Variants in CFAP44 observed in about 807,000 individuals in gnomAD.
The protein encoded by CFAP44 is cilia- and flagella-associated protein 44.
Under a neutral mutation model 216.2 loss-of-function variants are expected in CFAP44, and 134 were observed. The observed-to-expected ratio is 0.62, with a 90% CI of 0.54 to 0.72. CFAP44 has a LOEUF of 0.72. Ranked by LOEUF, CFAP44 falls within the 30% of genes least tolerant of loss-of-function variation. The pLI is 0.00. For synonymous variants in CFAP44, 700 were observed against 727.6 expected (o/e 0.96, Z 0.61); for missense variants, 2,035 against 2,182.1 (o/e 0.93, Z 1.34).
At chr3:113,424,668 AG>A (rs1467073690) in intron 4 of CFAP44, among the ~76,000 whole-genome samples, 6 of 152,154 alleles carry the variant, frequency 3.9e-5, no homozygotes, top group Non-Finnish European at 8.8e-5. Flanking sequence ...AGGCCCAAAA[AG>A]CTCTCTAGTG....
intron 22 of CFAP44, among the ~76,000 whole-genome samples, chr3:113,346,031 C>A (rs1950378291): frequency 6.6e-6 from 1 of 152,144 alleles, no homozygotes; most frequent in Admixed American, 6.5e-5. Context: ...GAGAAGTGAA[C>A]CCAGCTGGAC....
chr3:113,325,002 T>C (rs1332845590), intron 28 of CFAP44, among the ~76,000 whole-genome samples: 1 of 152,058 alleles, frequency 6.6e-6, no homozygotes, highest in East Asian at 1.9e-4. Context: ...TACAGTATCA[T>C]TTAAAATCAC....
At chr3:113,419,777 C>T (rs1025543299) in intron 5 of CFAP44, among the ~76,000 whole-genome samples, 1 of 152,142 alleles carries the variant, frequency 6.6e-6, no homozygotes, top group African/African-American at 2.4e-5. Context: ...TCTATAAGCC[C>T]ATTTCCTTAT....
chr3:113,420,294 T>C (rs1934779871), intron 4 of CFAP44, 115 bp from the exon 5 acceptor site: 5 of 1,086,946 alleles, frequency 4.6e-6, no homozygotes, highest in African/African-American at 1.6e-5. Flanking sequence ...GAGGTTGAAG[T>C]AGTTGAATTT....
chr3:113,350,265 G>T (rs1045821494), intron 22 of CFAP44, among the ~76,000 whole-genome samples: 1 of 151,178 alleles, frequency 6.6e-6, no homozygotes, highest in African/African-American at 2.4e-5. Flanking sequence ...GGAAAGAGAG[G>T]AAGAGACAGA....
intron 22 of CFAP44, among the ~76,000 whole-genome samples, chr3:113,353,338 GATAGA>G (rs201311146): frequency 0.041 from 6,250 of 152,056 alleles, 410 homozygotes; most frequent in African/African-American, 0.14. Context: ...CTATCTTCTT[GATAGA>G]ATAGAAGCCC....
chr3:113,384,070 T>C (rs1933584971), intron 15 of CFAP44, among the ~76,000 whole-genome samples: 1 of 151,966 alleles, frequency 6.6e-6, no homozygotes, highest in African/African-American at 2.4e-5. Flanking sequence ...TTTTTTTTTT[T>C]TCTTCTGAGA....
intron 6 of CFAP44, among the ~76,000 whole-genome samples, chr3:113,411,951 GTGTATAAGAA>G (rs1376313630): frequency 1.3e-5 from 2 of 150,954 alleles, no homozygotes; most frequent in Non-Finnish European, 3.0e-5. Context: ...TCTGTTATTG[GTGTATAAGAA>G]TGCTTGTGAT....
intron 28 of CFAP44, among the ~76,000 whole-genome samples, chr3:113,309,211 T>C (rs991069930): frequency 6.6e-6 from 1 of 152,222 alleles, no homozygotes; most frequent in Non-Finnish European, 1.5e-5. Flanking sequence ...CTTCTCCCAA[T>C]GGAGAGAACT....
At chr3:113,339,518 C>T (rs1023810915) in intron 24 of CFAP44, among the ~76,000 whole-genome samples, 11 of 152,184 alleles carry the variant, frequency 7.2e-5, no homozygotes. Context: ...CCATTTCTCC[C>T]TGCTGTCGGA....
At chr3:113,338,986 T>C (rs1484125401) in intron 24 of CFAP44, among the ~76,000 whole-genome samples, 1 of 152,116 alleles carries the variant, frequency 6.6e-6, no homozygotes, top group Non-Finnish European at 1.5e-5. Context: ...CAACCTGAGA[T>C]GGCCAACAGG....
intron 2 of CFAP44, among the ~76,000 whole-genome samples, chr3:113,431,120 T>C (rs2107411940): frequency 6.6e-6 from 1 of 152,142 alleles, no homozygotes; most frequent in Non-Finnish European, 1.5e-5. Flanking sequence ...CTAACAAGCC[T>C]GAGAGCAAAG....
chr3:113,399,795 T>A (rs898533109), intron 13 of CFAP44, 111 bp downstream of exon 13: 2 of 662,654 alleles, frequency 3.0e-6, no homozygotes, highest in Non-Finnish European at 2.4e-6. Flanking sequence ...CTTAAAACTT[T>A]TATTATTCCT....
chr3:113,345,921 AC>A (rs1436339592), intron 22 of CFAP44, among the ~76,000 whole-genome samples: 2 of 152,162 alleles, frequency 1.3e-5, no homozygotes, highest in Admixed American at 1.3e-4. Context: ...TTTCTTTCAT[AC>A]ATACTATCTT....
rs998190432 is a variant in CFAP44 at position 113,303,896 on chromosome 3, C to G, written c.5077+20G>C. On this transcript the variant is annotated intron_variant, in intron 32 of 34. Transcript: ENST00000393845. ...TTACCAATAAACCTTACTAGCAAGG[C>G]TGTGGGCTTAGATACTCACTGTGTA... The G allele has an allele frequency of 6.5e-7, 1 of 1,536,776 alleles. No homozygotes were observed. Among genetic ancestry groups the G allele is most frequent in the African/African-American group, 1.4e-5 (1 of 72,950 alleles).
intron 28 of CFAP44, among the ~76,000 whole-genome samples, chr3:113,316,590 T>C (rs1012574811): frequency 6.6e-6 from 1 of 152,076 alleles, no homozygotes; most frequent in African/African-American, 2.4e-5. Flanking sequence ...AGAATACAGC[T>C]GGCTGTAGTG....
intron 15 of CFAP44, among the ~76,000 whole-genome samples, chr3:113,391,006 C>A (rs1933824149): frequency 6.6e-6 from 1 of 151,946 alleles, no homozygotes; most frequent in Non-Finnish European, 1.5e-5. Context: ...AAAATTTATA[C>A]AGAATCACAA....
intron 21 of CFAP44, among the ~76,000 whole-genome samples, chr3:113,362,423 A>C (rs973072527): frequency 8.5e-5 from 13 of 152,136 alleles, no homozygotes; most frequent in African/African-American, 4.8e-5. Flanking sequence ...AGGGGCCACC[A>C]CCAATCACCT....
At chr3:113,361,003 T>G (rs1009510265) in intron 21 of CFAP44, 2 of 289,164 alleles carry the variant, frequency 6.9e-6, no homozygotes, top group East Asian at 1.9e-4. Flanking sequence ...GACCAGGTTC[T>G]GAATTCCATG....
Sources: allele counts gnomAD v4.1 joint callset (sites outside exome capture counted in the v4.1 genomes callset), GRCh38; gene constraint gnomAD v4.1.1; transcripts MANE v1.5; gene names NCBI Gene and HGNC (gene_info 2026-07-23, HGNC 2026-07-21).